Variants in SYCP1 observed in about 807,000 individuals in gnomAD.
SYCP1 encodes cancer/testis antigen 8.
Under a neutral mutation model 153.1 loss-of-function variants are expected in SYCP1, and 64 were observed. That is an observed-to-expected ratio of 0.42 (90% CI 0.34 to 0.51). The LOEUF (loss-of-function observed/expected upper bound fraction) is 0.51, where lower values mean the gene tolerates loss of function less well. Ranked by LOEUF, SYCP1 falls within the 20% of genes least tolerant of loss-of-function variation. The pLI is 0.06. For missense variants in SYCP1, 997 were observed against 1,049.0 expected (o/e 0.95, Z 0.68); for synonymous variants, 384 against 341.8 (o/e 1.12, Z -1.36).
chr1:114,900,424 G>A (rs1367808537), intron 16 of SYCP1, among the ~76,000 whole-genome samples: 2 of 152,016 alleles, frequency 1.3e-5, no homozygotes, highest in African/African-American at 4.8e-5. Flanking sequence ...GGGATTATAG[G>A]CGCCCACCAC....
chr1:114,984,825 A>G lies in SYCP1; in HGVS notation c.2660A>G (p.Glu887Gly). Reference protein sequence around the residue: ...ESKKKRKMAFEFDINSDSSET... With the variant: ...ESKKKRKMAFGFDINSDSSET... Reference sequence around the variant, plus strand: ...AAAAAAAAGAGAAAAATGGCCTTTGAATTTGATATTAATTCAGATAGTTCA... The same window carrying G: ...AAAAAAAAGAGAAAAATGGCCTTTGGATTTGATATTAATTCAGATAGTTCA... The change falls in exon 30 of 32, where the codon GAA becomes GGA. Residue 887 changes from glutamate (E) to glycine (G), a missense_variant. This residue lies in a region of SYCP1 where 712 missense variants were observed against 682.9 expected (regional missense o/e 1.04). Transcript: ENST00000369522. 1 of 1,490,264 alleles carries G rather than the reference A, an allele frequency of 6.7e-7. No individual in the cohort carries two copies. 92.3% of individuals were successfully genotyped at this position (1,490,264 alleles called of 1,614,324 possible).
chr1:114,876,339 A>G (rs976846680), intron 10 of SYCP1, among the ~76,000 whole-genome samples: 4 of 152,002 alleles, frequency 2.6e-5, no homozygotes, highest in Non-Finnish European at 5.9e-5. Flanking sequence ...TTTTAAAACT[A>G]CATCTTTCAT....
chr1:114,914,423 T>A (rs865847389), intron 20 of SYCP1, among the ~76,000 whole-genome samples: 2 of 152,038 alleles, frequency 1.3e-5, no homozygotes, highest in East Asian at 3.9e-4. Context: ...TTTTACATTT[T>A]AAAAAATTAT....
At chr1:114,949,845 G>T (rs1346036459) in intron 27 of SYCP1, among the ~76,000 whole-genome samples, 1 of 152,018 alleles carries the variant, frequency 6.6e-6, no homozygotes, top group East Asian at 1.9e-4. Flanking sequence ...ACAAATTTAA[G>T]GGCTTCTTTT....
intron 5 of SYCP1, 49 bp from the exon 6 acceptor site, chr1:114,858,498 G>A (rs1346286452): frequency 2.0e-6 from 3 of 1,481,392 alleles, no homozygotes; most frequent in Admixed American, 2.1e-5. Flanking sequence ...CTGTAGTTTG[G>A]TTATATTAGA....
Position 114,963,861 on chromosome 1 carries a change from T to A in SYCP1, c.2323-13696T>A, listed in dbSNP as rs151309124. 5.9e-3 allele frequency among the ~76,000 whole-genome samples: 895 copies of A among 152,354 alleles called. 9 individuals carry two copies. Among genetic ancestry groups the A allele is most frequent in the African/African-American group, 0.02 (840 of 41,586 alleles). ...GTGTGCATGTGTCTTTATAGTAGAA[T>A]GATTTATAATCCTTTGGGTATATAC... On this transcript the variant is annotated intron_variant, in intron 27 of 31. Coordinates refer to ENST00000369522, the MANE Select transcript of SYCP1 (RefSeq NM_003176.4).
At chr1:114,901,856 A>G (rs1667468706) in intron 16 of SYCP1, among the ~76,000 whole-genome samples, 1 of 152,256 alleles carries the variant, frequency 6.6e-6, no homozygotes, top group Admixed American at 6.5e-5. Flanking sequence ...CTGACAAGGT[A>G]GAGAAAAGGA....
At chr1:114,881,056 T>TACACAC (rs67335338) in intron 12 of SYCP1, among the ~76,000 whole-genome samples, 1,488 of 145,008 alleles carry the variant, frequency 0.01, 28 homozygotes, top group African/African-American at 0.034. Context: ...TTTGTGTATA[T>TACACAC]ACACACACAC....
At chr1:114,972,087 A>G (rs558439725) in intron 27 of SYCP1, among the ~76,000 whole-genome samples, 3 of 152,088 alleles carry the variant, frequency 2.0e-5, no homozygotes, top group Non-Finnish European at 2.9e-5. Flanking sequence ...TATAGCTTCA[A>G]TCTTGCTAGA....
rs1410002565 is a variant in SYCP1, at chr1:114,857,456, G to A, written c.250G>A (p.Asp84Asn). The stretch of plus-strand genomic sequence containing the variant: ...TCTATCTTTTTAGGTTGGTAATTCT[G>A]ACTGTCACTATCAGGAAGGACTAAA... ...LPVLEQVGNS[D>N]CHYQEGLKDS... The change falls in exon 5 of 32, where the codon GAC becomes AAC. Residue 84 changes from aspartate (D) to asparagine (N), a missense_variant. Physicochemically the swap from Asp to Asn is conservative, Grantham distance 23. Transcript: ENST00000369522. The A allele has an allele frequency of 1.9e-6, 3 of 1,599,550 alleles. No homozygotes were observed. The highest frequency in any genetic ancestry group is 2.3e-5 in the South Asian group (2 of 87,572).
chr1:114,959,465 G>A (rs991679243), intron 27 of SYCP1, among the ~76,000 whole-genome samples: 8 of 152,018 alleles, frequency 5.3e-5, no homozygotes, highest in Non-Finnish European at 1.2e-4. Flanking sequence ...TACATTGTAG[G>A]TGTGTATATT....
intron 8 of SYCP1, among the ~76,000 whole-genome samples, chr1:114,866,882 G>T (rs1664783435): frequency 6.7e-6 from 1 of 149,190 alleles, no homozygotes; most frequent in Non-Finnish European, 1.5e-5. Context: ...TGTTAAGGGT[G>T]TAAGATCTGT....
intron 27 of SYCP1, among the ~76,000 whole-genome samples, chr1:114,965,585 C>T (rs527867533): frequency 7.2e-5 from 11 of 152,240 alleles, no homozygotes; most frequent in Admixed American, 5.9e-4. Context: ...TGAATTTTAT[C>T]GAAGGCCTTT....
At chr1:114,985,327 C>G (rs1673429725) in intron 30 of SYCP1, among the ~76,000 whole-genome samples, 1 of 151,944 alleles carries the variant, frequency 6.6e-6, no homozygotes, top group Non-Finnish European at 1.5e-5. Flanking sequence ...ACATTTCCAT[C>G]ACTCTAAAGA....
intron 25 of SYCP1, among the ~76,000 whole-genome samples, chr1:114,945,426 G>C (rs1385732378): frequency 6.6e-6 from 1 of 151,582 alleles, no homozygotes; most frequent in Admixed American, 6.6e-5. Context: ...TGTTGTTTTA[G>C]AGTATCCATT....
chr1:114,857,156 A>AAAAAAAAAAAG (rs774041717), intron 3 of SYCP1, 76 bp from the exon 4 acceptor site: 54 of 921,314 alleles, frequency 5.9e-5, no homozygotes, highest in Non-Finnish European at 7.2e-5. Context: ...AAAAAAAAAA[A>AAAAAAAAAAAG]AGAGAAAAAA....
chr1:114,872,261 A>ATGCCTTTT, intron 8 of SYCP1, among the ~76,000 whole-genome samples: 1 of 152,056 alleles, frequency 6.6e-6, no homozygotes, highest in Non-Finnish European at 1.5e-5. Context: ...CATTCTGTCA[A>ATGCCTTTT]CTTTTGTCAA....
intron 8 of SYCP1, 79 bp downstream of exon 8, chr1:114,860,888 T>C: frequency 2.2e-5 from 25 of 1,134,272 alleles, no homozygotes; most frequent in Non-Finnish European, 3.1e-5. Flanking sequence ...AATTGTCCTT[T>C]TAATTTTTGG....
intron 27 of SYCP1, among the ~76,000 whole-genome samples, chr1:114,971,735 A>G (rs921951522): frequency 6.6e-6 from 1 of 152,316 alleles, no homozygotes; most frequent in East Asian, 1.9e-4. Flanking sequence ...TTATTTGTGT[A>G]TGTTGAATCA....
Sources: allele counts gnomAD v4.1 joint callset (sites outside exome capture counted in the v4.1 genomes callset), GRCh38; gene constraint gnomAD v4.1.1; regional missense constraint gnomAD v4.1.1; transcripts MANE v1.5; gene names NCBI Gene and HGNC (gene_info 2026-07-23, HGNC 2026-07-21).